Variants in ZNF280D observed in about 807,000 individuals in gnomAD.
The protein encoded by ZNF280D is suppressor of hairy wing homolog 4.
Under a neutral mutation model 94.7 loss-of-function variants are expected in ZNF280D, and 39 were observed. The observed-to-expected ratio is 0.41, with a 90% CI of 0.32 to 0.54. ZNF280D has a LOEUF of 0.54. Among genes scored for constraint, ZNF280D ranks in the 20% least tolerant of loss-of-function variants. The pLI, the probability that ZNF280D is intolerant of heterozygous loss-of-function variation, is 0.22. For synonymous variants in ZNF280D, 398 were observed against 377.6 expected, an observed-to-expected ratio of 1.05 and a Z score of -0.63; for missense variants, 1,090 against 1,149.3, an observed-to-expected ratio of 0.95 and a Z score of 0.75.
chr15:56,643,476 C>G (rs1274011441), intron 19 of ZNF280D, among the ~76,000 whole-genome samples: 1 of 151,626 alleles, frequency 6.6e-6, no homozygotes, highest in Admixed American at 6.6e-5. Context: ...TTAACTTACT[C>G]TGGAGGCAGT....
rs571548516 is a variant in ZNF280D, at chr15:56,664,095, A to C, written c.1994+2300T>G. 3.3e-5 allele frequency among the ~76,000 whole-genome samples: 5 copies of C among 152,336 alleles called. No individual in the cohort carries two copies. The East Asian group carries it at 9.6e-4, about 29-fold the overall frequency. ...ACATTAAACAAATTAAGTTTTAAAA[A>C]GTGAGTGACAACAATGTCAAATACT... On this transcript the variant is annotated intron_variant, in intron 16 of 21. Transcript: ENST00000267807.
chr15:56,711,713 C>T (rs768578020), intron 1 of ZNF280D, among the ~76,000 whole-genome samples: 8 of 152,126 alleles, frequency 5.3e-5, no homozygotes, highest in East Asian at 1.9e-4. Context: ...CTGGAATTTA[C>T]GTGCTATCAG....
intron 1 of ZNF280D, among the ~76,000 whole-genome samples, chr15:56,727,486 A>C (rs2058683200): frequency 6.6e-6 from 1 of 152,176 alleles, no homozygotes; most frequent in Non-Finnish European, 1.5e-5. Flanking sequence ...AAAAAGATAG[A>C]AATTAATGCC....
intron 19 of ZNF280D, among the ~76,000 whole-genome samples, chr15:56,645,796 C>A (rs1292184648): frequency 1.3e-5 from 2 of 152,080 alleles, no homozygotes; most frequent in Non-Finnish European, 2.9e-5. Context: ...ATCCACCTGC[C>A]TCGGCCTTCC....
At chr15:56,652,294 A>G (rs1385278537) in intron 19 of ZNF280D, among the ~76,000 whole-genome samples, 1 of 152,142 alleles carries the variant, frequency 6.6e-6, no homozygotes, top group Admixed American at 6.5e-5. Flanking sequence ...GCATTTTGCT[A>G]GTCTTTAAAA....
intron 21 of ZNF280D, among the ~76,000 whole-genome samples, chr15:56,634,422 T>G (rs2052248668): frequency 6.6e-6 from 1 of 152,188 alleles, no homozygotes; most frequent in Admixed American, 6.5e-5. Flanking sequence ...TAGTTGATTT[T>G]TTGTTAACAT....
intron 19 of ZNF280D, among the ~76,000 whole-genome samples, chr15:56,650,937 T>A (rs1596352547): frequency 1.3e-5 from 2 of 152,100 alleles, no homozygotes; most frequent in African/African-American, 4.8e-5. Flanking sequence ...ATGGCAGCCT[T>A]CCAACACCTA....
At chr15:56,674,830 T>G (rs1164148162) in intron 13 of ZNF280D, among the ~76,000 whole-genome samples, 1 of 152,048 alleles carries the variant, frequency 6.6e-6, no homozygotes, top group Non-Finnish European at 1.5e-5. Context: ...ACTGGGTTAT[T>G]AACTCTAAAA....
chr15:56,704,316 A>G, intron 3 of ZNF280D, 49 bp from the exon 4 acceptor site: 4 of 1,525,992 alleles, frequency 2.6e-6, no homozygotes, highest in Non-Finnish European at 3.5e-6. Flanking sequence ...AAATAAAAAT[A>G]AAAACATTTT....
intron 14 of ZNF280D, among the ~76,000 whole-genome samples, chr15:56,668,601 A>G (rs2054460397): frequency 6.6e-6 from 1 of 152,088 alleles, no homozygotes; most frequent in Non-Finnish European, 1.5e-5. Context: ...AAGTTAATTG[A>G]GTTGTACTTT....
chr15:56,677,538 C>A (rs1360044256), intron 12 of ZNF280D, 36 bp downstream of exon 12: 1 of 1,471,080 alleles, frequency 6.8e-7, no homozygotes, highest in Non-Finnish European at 9.5e-7. Flanking sequence ...AACAAACAAA[C>A]CAAACACTTA....
At chr15:56,652,621 T>C (rs2053272965) in intron 19 of ZNF280D, 1 of 984,594 alleles carries the variant, frequency 1.0e-6, no homozygotes, top group African/African-American at 1.7e-5. Context: ...GGTCACCATA[T>C]GTATGTTTTT....
Position 56,635,205 on chromosome 15 carries a change from T to C in ZNF280D, c.2305A>G (p.Asn769Asp), listed in dbSNP as rs780033169. ...NMAERETETS[N>D]SESKQDKAAS... ...TTTCCTTATATTTACCTTTCAGAAT[T>C]TGATGTTTCTGTTTCTCTTTCAGCC... The change falls in exon 21 of 22, where the codon AAT becomes GAT. Residue 769 changes from asparagine (N) to aspartate (D), a missense_variant. This residue lies in a region of ZNF280D where 577 missense variants were observed against 568.8 expected (regional missense o/e 1.01). Transcript: ENST00000267807. 4.5e-6 allele frequency: 7 copies of C among 1,554,110 alleles called. No homozygotes were observed. The highest frequency in any genetic ancestry group is 4.3e-6 in the Non-Finnish European group (5 of 1,152,180).
Position 56,631,404 on chromosome 15 carries a change from A to G in ZNF280D, c.*94T>C. ...TGTGTGACCTCCCTTACATATTTCCATTTCTGAACCTACAACAGCACCACT... is the reference window on the plus strand; with the variant it reads ...TGTGTGACCTCCCTTACATATTTCCGTTTCTGAACCTACAACAGCACCACT... On this transcript the variant is annotated 3_prime_UTR_variant, in exon 22 of 22. Coordinates refer to ENST00000267807, the MANE Select transcript of ZNF280D (RefSeq NM_017661.4). The G allele has an allele frequency of 7.3e-7, 1 of 1,369,716 alleles. No individual in the cohort carries two copies. Among genetic ancestry groups the G allele is most frequent in the South Asian group, 1.4e-5 (1 of 72,576 alleles). 84.8% of individuals were successfully genotyped at this position (1,369,716 alleles called of 1,614,324 possible).
chr15:56,692,650 C>T (rs2056490368), intron 7 of ZNF280D, among the ~76,000 whole-genome samples: 2 of 151,962 alleles, frequency 1.3e-5, no homozygotes, highest in African/African-American at 4.8e-5. Flanking sequence ...TATAATAGCA[C>T]TTTATAATCA....
At chr15:56,654,358 T>A in intron 18 of ZNF280D, 27 bp downstream of exon 18, 1 of 1,596,368 alleles carries the variant, frequency 6.3e-7, no homozygotes, top group Non-Finnish European at 8.5e-7. Context: ...GTCAAAAATC[T>A]AAAGTAGCAC....
At chr15:56,653,784 A>G (rs1261439935) in intron 19 of ZNF280D, 5 of 1,263,984 alleles carry the variant, frequency 4.0e-6, no homozygotes, top group Non-Finnish European at 5.0e-6. Context: ...AAATTATTGT[A>G]AGCAAAGAAA....
At chr15:56,709,732 A>G (rs1596608427) in intron 1 of ZNF280D, among the ~76,000 whole-genome samples, 2 of 152,220 alleles carry the variant, frequency 1.3e-5, no homozygotes, top group Non-Finnish European at 1.5e-5. Flanking sequence ...GCTGGAATCC[A>G]TCATTCTCAG....
chr15:56,664,688 G>A (rs1475660583), intron 16 of ZNF280D, among the ~76,000 whole-genome samples: 2 of 152,044 alleles, frequency 1.3e-5, no homozygotes, highest in African/African-American at 4.8e-5. Context: ...AAAATAAAGA[G>A]ATCTTTTTTA....
Sources: gnomAD v4.1 joint callset for allele counts (sites outside exome capture counted in the v4.1 genomes callset) on GRCh38, gnomAD v4.1.1 for gene constraint, gnomAD v4.1.1 regional missense constraint, MANE v1.5 for transcripts, NCBI Gene and HGNC (gene_info 2026-07-23, HGNC 2026-07-21) for gene names.